Variants in ODAD4 observed in about 807,000 individuals in gnomAD.
The protein encoded by ODAD4 is outer dynein arm docking complex subunit 4.
ODAD4 carries 49 observed loss-of-function variants against 51.8 expected under a neutral mutation model. That is an observed-to-expected ratio of 0.95 (90% CI 0.75 to 1.20). ODAD4 has a LOEUF of 1.20. Ranked by LOEUF, ODAD4 falls within the 50% of genes most tolerant of loss-of-function variation. ODAD4 has a pLI of 0.00. For missense variants in ODAD4, 590 were observed against 586.5 expected (o/e 1.01, Z -0.06); for synonymous variants, 235 against 221.3 (o/e 1.06, Z -0.55).
intron 8 of ODAD4, among the ~76,000 whole-genome samples, 164 bp from the exon 9 acceptor site, chr17:41,948,989 A>T (rs2050621814): frequency 6.6e-6 from 1 of 152,130 alleles, no homozygotes; most frequent in African/African-American, 2.4e-5. Context: ...TAGTCTCAGT[A>T]GTCTTAAAAT....
In ODAD4 at chr17:41,935,676, C is replaced by CAA; in HGVS notation, c.325_326dup (p.Leu110SerfsTer2). 6.2e-7 allele frequency: 1 copy of CAA among 1,613,802 alleles called. No homozygotes were observed. Among genetic ancestry groups the CAA allele is most frequent in the South Asian group, 1.1e-5 (1 of 91,022 alleles). ...CCTTGGTATTCTATCATCGAGGCTA[C>CAA]AAGCTGAGGCCTGATCGGGAATTCA... On this transcript the variant is annotated frameshift_variant, in exon 3 of 12. Coordinates refer to ENST00000377540, the MANE Select transcript of ODAD4 (RefSeq NM_031421.5). LOFTEE classifies it high-confidence loss of function.
rs71357524 is a variant in ODAD4, at chr17:41,956,047, CTTTTTTT to C, written c.1443+743_1443+749del. ...GATTACACGTGTAAACTGTACTTAG[CTTTTTTT>C]TTTTTTTTTTTTGAGACTGAGTCTC... On this transcript the variant is annotated intron_variant, in intron 10 of 11. Transcript: ENST00000377540. 1.6e-3 allele frequency among the ~76,000 whole-genome samples: 196 copies of C among 124,918 alleles called. 3 individuals are homozygous for C. The East Asian group carries it at 0.04, about 26-fold the overall frequency. The allele number at this position is 124,918 out of a possible 152,430, so 82.0% of individuals were successfully genotyped here.
At position 41,930,709 on chromosome 17, in the gene ODAD4, C is replaced by T; in HGVS notation, c.-15C>T. On this transcript the variant is annotated 5_prime_UTR_variant, in exon 1 of 12. Transcript: ENST00000377540. ...TTTGATTGTCTCTGCTTTAGCGTCT[C>T]TAAATCCGGTCACCATGTCGGACCC... 6.4e-7 allele frequency: 1 copy of T among 1,558,120 alleles called. No homozygotes were observed. The highest frequency in any genetic ancestry group is 8.8e-7 in the Non-Finnish European group (1 of 1,135,090).
At chr17:41,954,986 G>A in intron 9 of ODAD4, 1 of 632,994 alleles carries the variant, frequency 1.6e-6, no homozygotes, top group Admixed American at 2.2e-5. Context: ...CAACGCCTTT[G>A]AATGAGGCCC....
chr17:41,953,017 A>C (rs540270733), intron 9 of ODAD4, among the ~76,000 whole-genome samples: 156 of 152,204 alleles, frequency 1.0e-3, no homozygotes, highest in Non-Finnish European at 1.6e-3. Context: ...GATTACAGGC[A>C]TGAGCCGCTG....
intron 8 of ODAD4, among the ~76,000 whole-genome samples, chr17:41,945,943 G>T (rs2050579238): frequency 1.3e-5 from 2 of 152,150 alleles, no homozygotes; most frequent in Non-Finnish European, 1.5e-5. Flanking sequence ...ACGTATACTT[G>T]GAAGAGACCC....
chr17:41,935,820 A>G lies in ODAD4; in HGVS notation c.397+71A>G, dbSNP rs115661867. On this transcript the variant is annotated intron_variant, in intron 3 of 11. Transcript: ENST00000377540. ...AATCCTTAGGTTTAGAGGAAGGTTG[A>G]GTCACAGCAGGTGAGCAGCCACCAC... 4,515 of 1,572,902 alleles carry G rather than the reference A, an allele frequency of 2.9e-3. 121 individuals are homozygous for G. The African/African-American group carries it at 0.055, about 19-fold the overall frequency.
intron 8 of ODAD4, among the ~76,000 whole-genome samples, chr17:41,946,839 C>T (rs1359516807): frequency 3.3e-5 from 5 of 150,172 alleles, no homozygotes; most frequent in Non-Finnish European, 5.9e-5. Flanking sequence ...CCACCATGTC[C>T]GGCTAATTTT....
rs1430917700 is a variant in ODAD4, at chr17:41,961,429, C to T, written c.1491C>T (p.Thr497=). ...NKGIIRELRK[T]NYVENLKEKS... is the part of the protein sequence containing the mutation. ...GTATCATCAGAGAACTGAGGAAAAC[C>T]AACTACGTGGAGAATCTCAAAGAAA... The change falls in exon 11 of 12, where the codon ACC becomes ACT. Residue 497 remains threonine (T), a synonymous_variant. Transcript: ENST00000377540. 4.0e-6 allele frequency: 3 copies of T among 741,274 alleles called. No individual in the cohort carries two copies. The highest frequency in any genetic ancestry group is 7.5e-6 in the Non-Finnish European group (3 of 398,120). 45.9% of individuals were successfully genotyped at this position (741,274 alleles called of 1,614,324 possible).
At position 41,966,173 on chromosome 17, in the gene ODAD4, G is replaced by T. The variant is rs2144552813; in HGVS notation, c.*690G>T. Among the ~76,000 whole-genome samples the T allele has an allele frequency of 6.6e-6, 1 of 152,326 alleles. No homozygotes were observed. The highest frequency in any genetic ancestry group is 1.9e-4 in the East Asian group (1 of 5,186). On this transcript the variant is annotated 3_prime_UTR_variant, in exon 12 of 12. Transcript: ENST00000377540. ...CAAAAATCCAACGGAGCTCTCAGTG[G>T]TTTCACAGAGGAGGTGGCAGCTGAG...
rs782039270 is a variant in ODAD4 at position 41,934,038 on chromosome 17, C to CTTT, written c.115-1160_115-1158dup. On this transcript the variant is annotated intron_variant, in intron 1 of 11. Transcript: ENST00000377540. ...CCCTTTCTTTCTTTTTTCTTTCTTT[C>CTTT]TTTTTTTTTTTTTTTTTTTTTGAGA... Among the ~76,000 whole-genome samples, 251 of 65,516 alleles carry CTTT rather than the reference C, an allele frequency of 3.8e-3. 6 individuals carry two copies. Among genetic ancestry groups the CTTT allele is most frequent in the Middle Eastern group, 0.016 (1 of 62 alleles). The allele number at this position is 65,516 out of a possible 152,430, so 43.0% of individuals were successfully genotyped here.
At chr17:41,943,809 A>G (rs1161022408) in intron 7 of ODAD4, among the ~76,000 whole-genome samples, 4 of 152,142 alleles carry the variant, frequency 2.6e-5, no homozygotes, top group Admixed American at 2.6e-4. Flanking sequence ...TTTCTTGAGC[A>G]TATAGACCTA....
At chr17:41,963,286 T>C (rs978908920) in intron 11 of ODAD4, among the ~76,000 whole-genome samples, 3 of 152,092 alleles carry the variant, frequency 2.0e-5, no homozygotes, top group Admixed American at 2.0e-4. Context: ...GGGATGTAAC[T>C]TTTCTCCATA....
intron 7 of ODAD4, among the ~76,000 whole-genome samples, chr17:41,944,447 C>CCG (rs2050558779): frequency 1.3e-4 from 1 of 7,770 alleles, no homozygotes; most frequent in African/African-American, 2.7e-4. Context: ...CACACACACC[C>CCG]CCCCGCATAC....
chr17:41,933,348 C>T (rs1182920742), intron 1 of ODAD4, among the ~76,000 whole-genome samples: 3 of 140,604 alleles, frequency 2.1e-5, no homozygotes, highest in Admixed American at 1.4e-4. Context: ...GAAACTCTGT[C>T]TCAAAAAAAA....
chr17:41,944,444 A>ACACACACACACACACC (rs1191101800), intron 7 of ODAD4, among the ~76,000 whole-genome samples: 55 of 19,518 alleles, frequency 2.8e-3, no homozygotes, highest in South Asian at 0.013. Flanking sequence ...ACACACACAC[A>ACACACACACACACACC]CCCCCCCGCA....
At chr17:41,944,442 ACACC>A (rs1379246230) in intron 7 of ODAD4, among the ~76,000 whole-genome samples, 327 of 5,512 alleles carry the variant, frequency 0.059, 7 homozygotes, top group Middle Eastern at 0.14. Context: ...ACACACACAC[ACACC>A]CCCCCGCATA....
At chr17:41,942,233 G>A (rs1001700917) in intron 7 of ODAD4, among the ~76,000 whole-genome samples, 4 of 152,062 alleles carry the variant, frequency 2.6e-5, no homozygotes, top group African/African-American at 9.7e-5. Flanking sequence ...ACCATGCCCG[G>A]GCTATTAGTT....
At chr17:41,932,197 G>A (rs1207506929) in intron 1 of ODAD4, among the ~76,000 whole-genome samples, 4 of 152,108 alleles carry the variant, frequency 2.6e-5, no homozygotes, top group African/African-American at 9.7e-5. Flanking sequence ...AGCCTCCCGA[G>A]TAGCTGGGAT....
Sources: gnomAD v4.1 joint callset for allele counts (sites outside exome capture counted in the v4.1 genomes callset) on GRCh38, gnomAD v4.1.1 for gene constraint, MANE v1.5 for transcripts, NCBI Gene and HGNC (gene_info 2026-07-23, HGNC 2026-07-21) for gene names.